TNKS: variants seen among roughly 807,000 people sequenced by gnomAD.
TNKS encodes poly [ADP-ribose] polymerase tankyrase-1.
TNKS carries 72 observed loss-of-function variants against 135.8 expected under a neutral mutation model. That is an observed-to-expected ratio of 0.53 (90% CI 0.44 to 0.64). TNKS has a LOEUF of 0.64. TNKS is among the 30% of genes least tolerant of loss of function. The probability of loss-of-function intolerance (pLI) is 0.00; values close to 1 mark genes in which losing one functional copy is unlikely to be tolerated. For synonymous variants in TNKS, 849 were observed against 649.3 expected, an observed-to-expected ratio of 1.31 and a Z score of -4.68; for missense variants, 1,769 against 1,674.0, an observed-to-expected ratio of 1.06 and a Z score of -0.99.
intron 23 of TNKS, 106 bp from the exon 24 acceptor site, chr8:9,765,586 T>G (rs760617520): frequency 4.5e-6 from 4 of 880,310 alleles, no homozygotes; most frequent in Non-Finnish European, 7.0e-6. Flanking sequence ...AATTATGTCT[T>G]AAGCAAAATA....
At chr8:9,608,264 C>G (rs1291104354) in intron 2 of TNKS, among the ~76,000 whole-genome samples, 2 of 152,126 alleles carry the variant, frequency 1.3e-5, no homozygotes, top group African/African-American at 4.8e-5. Flanking sequence ...GTTTTTTCCT[C>G]TGTTGCATCA....
intron 12 of TNKS, among the ~76,000 whole-genome samples, chr8:9,724,536 C>A (rs912088558): frequency 1.3e-5 from 2 of 152,150 alleles, no homozygotes; most frequent in African/African-American, 4.8e-5. Context: ...CACTCATGTT[C>A]CTTTTTTAAT....
chr8:9,605,478 G>T (rs1799182051), intron 2 of TNKS, among the ~76,000 whole-genome samples: 1 of 151,902 alleles, frequency 6.6e-6, no homozygotes, highest in South Asian at 2.1e-4. Flanking sequence ...TGGGTTTTTG[G>T]TTTGTTTCCT....
At chr8:9,732,668 G>A (rs1201610915) in intron 14 of TNKS, among the ~76,000 whole-genome samples, 2 of 151,906 alleles carry the variant, frequency 1.3e-5, no homozygotes, top group African/African-American at 4.8e-5. Context: ...TCTTTTGTGG[G>A]AGCATCTTTT....
rs578095480 is a variant in TNKS, at chr8:9,601,987, C to G, written c.899-13595C>G. Among the ~76,000 whole-genome samples the G allele has an allele frequency of 3.3e-5, 5 of 152,048 alleles. No homozygotes were observed. In the South Asian group the frequency reaches 1.0e-3, roughly 32 times the overall value. Reference sequence around the variant, plus strand: ...GAGGTGGGGACGGGTCCATAGGAACCTAAAGAGTAGACGTTCTCAAGCAGG... The same window carrying G: ...GAGGTGGGGACGGGTCCATAGGAACGTAAAGAGTAGACGTTCTCAAGCAGG... On this transcript the variant is annotated intron_variant, in intron 2 of 26. Coordinates refer to ENST00000310430, the MANE Select transcript of TNKS (RefSeq NM_003747.3).
In TNKS at chr8:9,643,245, G is replaced by T. The variant is rs187193984; in HGVS notation, c.994+27568G>T. Among the ~76,000 whole-genome samples, 313 of 146,090 alleles carry T rather than the reference G, an allele frequency of 2.1e-3. 43 individuals carry two copies. Among genetic ancestry groups the T allele is most frequent in the African/African-American group, 7.3e-3 (290 of 39,514 alleles). On this transcript the variant is annotated intron_variant, in intron 3 of 26. Transcript: ENST00000310430. The stretch of plus-strand genomic sequence containing the variant: ...CTATTAATAGTATAACACAGACTGG[G>T]TGATTTATAAAGAAAAGAAGTTTAT...
chr8:9,764,010 G>A (rs575782813), intron 22 of TNKS, among the ~76,000 whole-genome samples: 6 of 152,226 alleles, frequency 3.9e-5, no homozygotes, highest in Admixed American at 3.9e-4. Context: ...CATCAGGAAG[G>A]CATCATGGGG....
intron 26 of TNKS, among the ~76,000 whole-genome samples, chr8:9,773,417 T>G (rs1176953314): frequency 6.6e-6 from 1 of 152,200 alleles, no homozygotes; most frequent in Non-Finnish European, 1.5e-5. Context: ...CTCTTTACCA[T>G]GTATTTTAAA....
chr8:9,729,045 G>A (rs1805293252), intron 13 of TNKS, among the ~76,000 whole-genome samples: 1 of 152,152 alleles, frequency 6.6e-6, no homozygotes, highest in African/African-American at 2.4e-5. Flanking sequence ...CTTAGTGTCT[G>A]GTGGGGACCC....
intron 5 of TNKS, among the ~76,000 whole-genome samples, chr8:9,695,150 GA>G (rs1803451519): frequency 6.6e-6 from 1 of 152,148 alleles, no homozygotes; most frequent in African/African-American, 2.4e-5. Context: ...GCTCAGTGGG[GA>G]AATCAAAAGA....
chr8:9,705,187 C>T (rs1481423118), intron 6 of TNKS, among the ~76,000 whole-genome samples: 1 of 152,062 alleles, frequency 6.6e-6, no homozygotes, highest in African/African-American at 2.4e-5. Context: ...TCTTGGACAT[C>T]TAAACTGAGA....
At position 9,781,636 on chromosome 8, in the gene TNKS, C is replaced by T. The variant is rs1808460474; in HGVS notation, c.*4900C>T. 1 of 152,590 alleles carries T rather than the reference C, an allele frequency of 6.6e-6. No homozygotes were observed. The highest frequency in any genetic ancestry group is 1.9e-4 in the East Asian group (1 of 5,198). 9.5% of individuals were successfully genotyped at this position (152,590 alleles called of 1,614,324 possible). A position where few individuals can be genotyped will look rare whatever the true frequency, so the allele number is the denominator to read the frequency against. On this transcript the variant is annotated 3_prime_UTR_variant, in exon 27 of 27. Transcript: ENST00000310430. Reference sequence around the variant, plus strand: ...GTAGTAGTAATGTTTGTCTTTGATACCTACAAACTAAAAAGGTACTTTTAT... The same window carrying T: ...GTAGTAGTAATGTTTGTCTTTGATATCTACAAACTAAAAAGGTACTTTTAT...
chr8:9,700,704 T>C lies in TNKS; in HGVS notation c.1108-3959T>C, dbSNP rs556530241. On this transcript the variant is annotated intron_variant, in intron 5 of 26. Transcript: ENST00000310430. The stretch of plus-strand genomic sequence containing the variant: ...GCTAGATCAGTCATTTCTCAGAGGC[T>C]ATCAATTCTGCTTCCTAATAGTTTT... 2.6e-5 allele frequency among the ~76,000 whole-genome samples: 4 copies of C among 152,216 alleles called. No homozygotes were observed. In the East Asian group the frequency reaches 7.7e-4, roughly 29 times the overall value.
intron 3 of TNKS, among the ~76,000 whole-genome samples, chr8:9,641,306 G>C (rs759989738): frequency 7.3e-6 from 1 of 137,508 alleles, no homozygotes; most frequent in Non-Finnish European, 1.6e-5. Flanking sequence ...TTTACCACTT[G>C]ACTATCAGGC....
chr8:9,603,810 A>C (rs958287238), intron 2 of TNKS, among the ~76,000 whole-genome samples: 3 of 152,076 alleles, frequency 2.0e-5, no homozygotes, highest in Non-Finnish European at 2.9e-5. Context: ...GAAACATAAT[A>C]GCACGAGGAT....
At chr8:9,775,055 C>T (rs1238361745) in intron 26 of TNKS, among the ~76,000 whole-genome samples, 1 of 152,092 alleles carries the variant, frequency 6.6e-6, no homozygotes, top group Non-Finnish European at 1.5e-5. Flanking sequence ...GTGGTAGATG[C>T]TCAATACACG....
intron 3 of TNKS, among the ~76,000 whole-genome samples, chr8:9,655,034 G>T (rs1265482398): frequency 6.6e-6 from 1 of 152,154 alleles, no homozygotes; most frequent in South Asian, 2.1e-4. Context: ...TGGAAAATCG[G>T]GTCACTCCCA....
chr8:9,585,673 G>A (rs1300230960), intron 2 of TNKS, among the ~76,000 whole-genome samples: 1 of 152,196 alleles, frequency 6.6e-6, no homozygotes, highest in Non-Finnish European at 1.5e-5. Flanking sequence ...CCTTTTGGGA[G>A]TAAGAAAGGC....
rs1806594923 is a variant in TNKS, at chr8:9,752,470, T to C, written c.3071-74T>C. On this transcript the variant is annotated intron_variant, in intron 19 of 26. Coordinates refer to ENST00000310430, the MANE Select transcript of TNKS (RefSeq NM_003747.3). ...GACAGCCAAGGTTGTCAGAGTCATG[T>C]CTAAATGGATACTGAAATTTTCTTT... 4.5e-6 allele frequency: 5 copies of C among 1,121,844 alleles called. No individual in the cohort carries two copies. The South Asian group carries it at 6.5e-5, about 15-fold the overall frequency. The allele number at this position is 1,121,844 out of a possible 1,614,324, so 69.5% of individuals were successfully genotyped here. A position where few individuals can be genotyped will look rare whatever the true frequency, so the allele number is the denominator to read the frequency against.
Sources: allele counts gnomAD v4.1 joint callset (sites outside exome capture counted in the v4.1 genomes callset), GRCh38; gene constraint gnomAD v4.1.1; transcripts MANE v1.5; gene names NCBI Gene and HGNC (gene_info 2026-07-23, HGNC 2026-07-21).